BMP6: variants seen among roughly 807,000 people sequenced by gnomAD.
The protein encoded by BMP6 is bone morphogenetic protein 6, also known as VG-1-R.
A neutral mutation model predicts 54.1 loss-of-function variants in BMP6; 17 were observed. The observed-to-expected ratio is 0.31, with a 90% CI of 0.22 to 0.47. The LOEUF (loss-of-function observed/expected upper bound fraction) is 0.47, where lower values mean the gene tolerates loss of function less well. Among genes scored for constraint, BMP6 ranks in the 20% least tolerant of loss-of-function variants. The pLI is 1.00. For missense variants in BMP6, 720 were observed against 690.4 expected, an observed-to-expected ratio of 1.04 and a Z score of -0.48; for synonymous variants, 328 against 291.2, an observed-to-expected ratio of 1.13 and a Z score of -1.28.
chr6:7,837,321 A>G (rs977750614), intron 1 of BMP6, among the ~76,000 whole-genome samples: 2 of 152,230 alleles, frequency 1.3e-5, no homozygotes, highest in African/African-American at 4.8e-5. Flanking sequence ...ATATATTAAA[A>G]TATCTTTATT....
chr6:7,853,514 AG>A (rs1315681916), intron 2 of BMP6, among the ~76,000 whole-genome samples: 3 of 152,196 alleles, frequency 2.0e-5, no homozygotes, highest in African/African-American at 7.2e-5. Flanking sequence ...TGAAGACAAA[AG>A]TTCACCCTTT....
chr6:7,879,332 C>G (rs1446845217), intron 5 of BMP6, among the ~76,000 whole-genome samples, 182 bp downstream of exon 5: 2 of 152,192 alleles, frequency 1.3e-5, no homozygotes, highest in African/African-American at 4.8e-5. Context: ...GAAGCTTAGT[C>G]TGTGGGGCAC....
At position 7,727,054 on chromosome 6, in the gene BMP6, T is replaced by TGCCGCG. The variant is rs1021295129; in HGVS notation, c.105_110dup (p.Ala38_Ala39dup). 1 of 1,185,584 alleles carries TGCCGCG rather than the reference T, an allele frequency of 8.4e-7. No homozygotes were observed. The highest frequency in any genetic ancestry group is 1.6e-5 in the African/African-American group (1 of 61,810). The allele number at this position is 1,185,584 out of a possible 1,614,324, so 73.4% of individuals were successfully genotyped here. A position where few individuals can be genotyped will look rare whatever the true frequency, so the allele number is the denominator to read the frequency against. ...CGCCGCTGCGGCCGCCCTTGCCCGC[T>TGCCGCG]GCCGCGGCCGCCGCCGCCGGGGGGC... is the stretch of plus-strand genomic sequence containing the variant. On this transcript the variant is annotated inframe_insertion, in exon 1 of 7. Coordinates refer to ENST00000283147, the MANE Select transcript of BMP6 (RefSeq NM_001718.6).
rs552791671 is a variant in BMP6 at position 7,849,288 on chromosome 6, T to C, written c.857+3956T>C. On this transcript the variant is annotated intron_variant, in intron 2 of 6. Transcript: ENST00000283147. ...TCTAAGGCCTTCCTACAGAAAACCT[T>C]TGCAAAACTTTGTTGATCTCTTGAC... Among the ~76,000 whole-genome samples, 6 of 152,328 alleles carry C rather than the reference T, an allele frequency of 3.9e-5. No homozygotes were observed. The South Asian group carries it at 1.2e-3, about 32-fold the overall frequency.
chr6:7,734,637 C>G (rs1034211672), intron 1 of BMP6, among the ~76,000 whole-genome samples: 28 of 152,156 alleles, frequency 1.8e-4, no homozygotes, highest in African/African-American at 6.8e-4. Flanking sequence ...CTGTTGACTC[C>G]AAAGAATTGT....
chr6:7,814,076 G>T (rs1581259349), intron 1 of BMP6, among the ~76,000 whole-genome samples: 1 of 152,256 alleles, frequency 6.6e-6, no homozygotes, highest in African/African-American at 2.4e-5. Flanking sequence ...TCACCAAGTG[G>T]CCCTTTCCAT....
At chr6:7,871,047 C>A (rs1759516509) in intron 4 of BMP6, among the ~76,000 whole-genome samples, 1 of 151,772 alleles carries the variant, frequency 6.6e-6, no homozygotes, top group African/African-American at 2.4e-5. Flanking sequence ...ATCTCATGTC[C>A]AAAGCCATTT....
At chr6:7,835,145 C>T (rs756156282) in intron 1 of BMP6, among the ~76,000 whole-genome samples, 7 of 148,510 alleles carry the variant, frequency 4.7e-5, no homozygotes, top group East Asian at 2.0e-4. Context: ...GTTTTTGAGA[C>T]GGAGTCTTGC....
intron 4 of BMP6, among the ~76,000 whole-genome samples, chr6:7,878,288 G>A (rs9505296): frequency 0.016 from 2,364 of 152,276 alleles, 64 homozygotes; most frequent in African/African-American, 0.053. Flanking sequence ...CTGACTTACC[G>A]TCTATTGGCC....
At chr6:7,873,717 G>A (rs192022087) in intron 4 of BMP6, among the ~76,000 whole-genome samples, 132 of 152,128 alleles carry the variant, frequency 8.7e-4, no homozygotes, top group African/African-American at 3.1e-3. Context: ...GGCCTCAGGA[G>A]CATAACAAAG....
At position 7,826,467 on chromosome 6, in the gene BMP6, T is replaced by C. The variant is rs564222727; in HGVS notation, c.665-18673T>C. Among the ~76,000 whole-genome samples, 27 of 152,340 alleles carry C rather than the reference T, an allele frequency of 1.8e-4. No homozygotes were observed. In the East Asian group the frequency reaches 4.8e-3, roughly 27 times the overall value. On this transcript the variant is annotated intron_variant, in intron 1 of 6. Transcript: ENST00000283147. ...GTTTGAATGACCTGCAGGCTAATTA[T>C]GTTACTTACGACTTATGTTGCACTG... is the stretch of plus-strand genomic sequence containing the variant.
intron 1 of BMP6, among the ~76,000 whole-genome samples, chr6:7,836,024 A>T (rs1758869808): frequency 6.6e-6 from 1 of 152,002 alleles, no homozygotes; most frequent in Non-Finnish European, 1.5e-5. Context: ...TATTTTTAAT[A>T]GAGGCAAGGT....
intron 1 of BMP6, among the ~76,000 whole-genome samples, chr6:7,774,844 T>C (rs915601674): frequency 6.6e-5 from 10 of 152,172 alleles, no homozygotes; most frequent in Non-Finnish European, 1.0e-4. Flanking sequence ...GAAAAGAAAA[T>C]TGTTTGACTT....
At chr6:7,746,233 C>A (rs1348047918) in intron 1 of BMP6, among the ~76,000 whole-genome samples, 1 of 152,094 alleles carries the variant, frequency 6.6e-6, no homozygotes, top group Non-Finnish European at 1.5e-5. Context: ...GAAGAGATTG[C>A]AAAGGTAGGC....
chr6:7,878,361 C>T (rs1759655106), intron 4 of BMP6, among the ~76,000 whole-genome samples: 1 of 152,216 alleles, frequency 6.6e-6, no homozygotes, highest in African/African-American at 2.4e-5. Context: ...TGAATTGGGG[C>T]ACCCCCAGTG....
intron 1 of BMP6, among the ~76,000 whole-genome samples, chr6:7,786,464 T>G (rs938543577): frequency 8.7e-5 from 3 of 34,548 alleles, no homozygotes; most frequent in Non-Finnish European, 1.7e-4. Flanking sequence ...TAGTCTGTTT[T>G]TTTTTTTTTT....
At chr6:7,793,462 G>A (rs944254326) in intron 1 of BMP6, among the ~76,000 whole-genome samples, 1 of 152,104 alleles carries the variant, frequency 6.6e-6, no homozygotes, top group African/African-American at 2.4e-5. Flanking sequence ...TCATTATACG[G>A]TTGCCCAAAC....
rs1438683824 is a variant in BMP6 at position 7,727,227 on chromosome 6, A to ACCGGCC, written c.281_286dup (p.Arg94_Pro95dup). On this transcript the variant is annotated inframe_insertion, in exon 1 of 7. Coordinates refer to ENST00000283147, the MANE Select transcript of BMP6 (RefSeq NM_001718.6). ...ATCTTGTCGGTGCTGGGGCTCCCGC[A>ACCGGCC]CCGGCCCCGGCCCCTGCACGGCCTC... 6 of 1,605,802 alleles carry ACCGGCC rather than the reference A, an allele frequency of 3.7e-6. No individual in the cohort carries two copies. The highest frequency in any genetic ancestry group is 1.7e-4 in the Middle Eastern group (1 of 5,996).
intron 1 of BMP6, among the ~76,000 whole-genome samples, chr6:7,791,443 C>T (rs1758105729): frequency 6.6e-6 from 1 of 152,192 alleles, no homozygotes; most frequent in Admixed American, 6.5e-5. Context: ...GTCACCTCTA[C>T]AGTCACTGCC....
Sources: allele counts gnomAD v4.1 joint callset (sites outside exome capture counted in the v4.1 genomes callset), GRCh38; gene constraint gnomAD v4.1.1; transcripts MANE v1.5; gene names NCBI Gene and HGNC (gene_info 2026-07-23, HGNC 2026-07-21).